HHAT: variants seen among roughly 807,000 people sequenced by gnomAD.
The protein encoded by HHAT is hedgehog acyltransferase.
Under a neutral mutation model 70.8 loss-of-function variants are expected in HHAT, and 47 were observed. The observed-to-expected ratio is 0.66, with a 90% CI of 0.53 to 0.85. HHAT has a LOEUF of 0.85. Ranked by LOEUF, HHAT falls within the 40% of genes least tolerant of loss-of-function variation. The pLI is 0.00. For missense variants in HHAT, 609 were observed against 604.8 expected, an observed-to-expected ratio of 1.01 and a Z score of -0.07; for synonymous variants, 228 against 247.6, an observed-to-expected ratio of 0.92 and a Z score of 0.74.
intron 10 of HHAT, 73 bp downstream of exon 10, chr1:210,588,172 A>G (rs764771706): frequency 9.8e-5 from 125 of 1,279,798 alleles, no homozygotes; most frequent in Admixed American, 1.5e-4. Context: ...GGATGGGGCC[A>G]TCAGATTCCC....
intron 9 of HHAT, among the ~76,000 whole-genome samples, chr1:210,583,947 ATTTTTTT>A (rs371722219): frequency 1.1e-5 from 1 of 88,992 alleles, no homozygotes; most frequent in African/African-American, 4.3e-5. Context: ...AGTGCAGCTA[ATTTTTTT>A]TTTTTTTTTT....
chr1:210,422,414 C>G (rs1191306409), intron 7 of HHAT, among the ~76,000 whole-genome samples: 2 of 152,162 alleles, frequency 1.3e-5, no homozygotes, highest in Non-Finnish European at 2.9e-5. Context: ...CTCCCTATCC[C>G]TCCCTTTCCA....
chr1:210,623,444 G>C (rs1481264823), intron 10 of HHAT, 82 bp from the exon 11 acceptor site: 1 of 1,527,816 alleles, frequency 6.5e-7, no homozygotes, highest in Admixed American at 1.7e-5. Context: ...TCCTGGGCTG[G>C]TGACAGAGAA....
At chr1:210,366,714 C>T (rs2089011388) in intron 3 of HHAT, among the ~76,000 whole-genome samples, 1 of 152,210 alleles carries the variant, frequency 6.6e-6, no homozygotes, top group Non-Finnish European at 1.5e-5. Flanking sequence ...CTTTTAAGAG[C>T]AGCTGGTCTA....
At chr1:210,556,026 A>G (rs189262528) in intron 9 of HHAT, among the ~76,000 whole-genome samples, 2 of 152,166 alleles carry the variant, frequency 1.3e-5, no homozygotes, top group East Asian at 3.9e-4. Context: ...TTTTTTTTTA[A>G]GACAATTTTC....
At chr1:210,587,644 G>A (rs897056439) in intron 9 of HHAT, among the ~76,000 whole-genome samples, 1 of 152,190 alleles carries the variant, frequency 6.6e-6, no homozygotes, top group Non-Finnish European at 1.5e-5. Context: ...CCTGCCTCTT[G>A]TAAGTGCTAT....
chr1:210,620,291 C>T lies in HHAT; in HGVS notation c.1246-3235C>T, dbSNP rs116466579. On this transcript the variant is annotated intron_variant, in intron 10 of 11. Coordinates refer to ENST00000261458, the MANE Select transcript of HHAT (RefSeq NM_018194.6). ...TCCTGGGAACTTACCCCGAGAGCTC[C>T]TATAAACCAGTAGCTGAGCCAGGAG... Among the ~76,000 whole-genome samples the T allele has an allele frequency of 2.5e-3, 386 of 152,304 alleles. 1 individual carries two copies. The highest frequency in any genetic ancestry group is 8.9e-3 in the African/African-American group (370 of 41,552).
intron 7 of HHAT, among the ~76,000 whole-genome samples, chr1:210,426,656 A>G (rs1040953746): frequency 6.6e-6 from 1 of 152,064 alleles, no homozygotes; most frequent in East Asian, 1.9e-4. Flanking sequence ...ATTGATTTGC[A>G]TATGTTGAGT....
intron 3 of HHAT, among the ~76,000 whole-genome samples, chr1:210,378,337 C>A (rs913172082): frequency 6.6e-6 from 1 of 152,050 alleles, no homozygotes; most frequent in Non-Finnish European, 1.5e-5. Flanking sequence ...TCAAAGTAAA[C>A]AATAAGCAAA....
chr1:210,598,355 C>T (rs760391721), intron 10 of HHAT, among the ~76,000 whole-genome samples: 8 of 152,138 alleles, frequency 5.3e-5, no homozygotes, highest in African/African-American at 7.2e-5. Flanking sequence ...CACTAGGTCA[C>T]GTGTCCCCAA....
At chr1:210,603,077 A>T (rs1278625440) in intron 10 of HHAT, among the ~76,000 whole-genome samples, 3 of 152,208 alleles carry the variant, frequency 2.0e-5, no homozygotes, top group Non-Finnish European at 4.4e-5. Context: ...TGGACTGATG[A>T]GCGCCAGGAC....
chr1:210,589,256 G>A lies in HHAT; in HGVS notation c.1245+1157G>A, dbSNP rs150501120. ...TTTTATAAAGATAGCCATAGTACAAGTGGACAGTTATTTCAATAAAAACTG... is the reference window on the plus strand; with the variant it reads ...TTTTATAAAGATAGCCATAGTACAAATGGACAGTTATTTCAATAAAAACTG... On this transcript the variant is annotated intron_variant, in intron 10 of 11. Transcript: ENST00000261458. The A allele has an allele frequency of 2.5e-3, 388 of 152,304 alleles. 1 individual carries two copies. The highest frequency in any genetic ancestry group is 8.7e-3 in the African/African-American group (363 of 41,568). The allele number at this position is 152,304 out of a possible 1,614,324, so 9.4% of individuals were successfully genotyped here.
chr1:210,584,272 TA>T (rs954705508), intron 9 of HHAT, among the ~76,000 whole-genome samples: 14 of 150,020 alleles, frequency 9.3e-5, no homozygotes, highest in South Asian at 2.1e-4. Flanking sequence ...GAGATAAGAT[TA>T]AAAAAAAAAT....
intron 10 of HHAT, among the ~76,000 whole-genome samples, chr1:210,596,579 T>G (rs980946575): frequency 6.6e-6 from 1 of 152,046 alleles, no homozygotes; most frequent in Non-Finnish European, 1.5e-5. Context: ...TTCTTTCTTC[T>G]GCTTGATCAG....
intron 5 of HHAT, among the ~76,000 whole-genome samples, chr1:210,401,914 T>C (rs2092095869): frequency 6.6e-6 from 1 of 152,252 alleles, no homozygotes; most frequent in Admixed American, 6.5e-5. Context: ...TATCTGTTTC[T>C]GTCTTTGGTA....
At chr1:210,383,327 G>A (rs1486004334) in intron 3 of HHAT, among the ~76,000 whole-genome samples, 1 of 81,730 alleles carries the variant, frequency 1.2e-5, no homozygotes, top group Non-Finnish European at 2.3e-5. Flanking sequence ...GCAGCAGAGC[G>A]AGACTGTCTC....
At chr1:210,660,901 T>C (rs1203854981) in intron 11 of HHAT, among the ~76,000 whole-genome samples, 2 of 152,168 alleles carry the variant, frequency 1.3e-5, no homozygotes, top group African/African-American at 2.4e-5. Flanking sequence ...TTACACCTTA[T>C]ACAAACATTA....
chr1:210,400,052 A>G (rs2091989487), intron 4 of HHAT, among the ~76,000 whole-genome samples: 1 of 152,174 alleles, frequency 6.6e-6, no homozygotes, highest in Non-Finnish European at 1.5e-5. Flanking sequence ...ATGTGTACTA[A>G]TACTTTCTCT....
At chr1:210,642,296 T>C (rs1673127075) in intron 11 of HHAT, among the ~76,000 whole-genome samples, 1 of 152,254 alleles carries the variant, frequency 6.6e-6, no homozygotes, top group Non-Finnish European at 1.5e-5. Context: ...TTCATGTATC[T>C]ATTCAACTGA....
Sources: gnomAD v4.1 joint callset for allele counts (sites outside exome capture counted in the v4.1 genomes callset) on GRCh38, gnomAD v4.1.1 for gene constraint, MANE v1.5 for transcripts, NCBI Gene and HGNC (gene_info 2026-07-23, HGNC 2026-07-21) for gene names.